REL: variants seen among roughly 807,000 people sequenced by gnomAD.
REL encodes REL proto-oncogene, NF-kB subunit.
Under a neutral mutation model 45.9 loss-of-function variants are expected in REL, and 15 were observed. The ratio of observed to expected loss-of-function variants is 0.33; its 90% CI spans 0.22 to 0.50. The LOEUF is 0.50. Ranked by LOEUF, REL falls within the 20% of genes least tolerant of loss-of-function variation. The probability of loss-of-function intolerance (pLI) is 0.98; values close to 1 mark genes in which losing one functional copy is unlikely to be tolerated. For missense variants in REL, 601 were observed against 715.2 expected, an observed-to-expected ratio of 0.84 and a Z score of 1.82; for synonymous variants, 239 against 242.1, an observed-to-expected ratio of 0.99 and a Z score of 0.12.
intron 1 of REL, among the ~76,000 whole-genome samples, chr2:60,882,914 A>G (rs760307267): frequency 6.6e-6 from 1 of 152,222 alleles, no homozygotes; most frequent in Non-Finnish European, 1.5e-5. Context: ...ATAAGTTTGT[A>G]AGAAACATTG....
intron 1 of REL, among the ~76,000 whole-genome samples, chr2:60,891,336 T>C (rs1448247656): frequency 6.6e-6 from 1 of 152,178 alleles, no homozygotes; most frequent in Non-Finnish European, 1.5e-5. Context: ...TGGGGAATCT[T>C]GGGGGAAACC....
intron 3 of REL, among the ~76,000 whole-genome samples, chr2:60,897,997 AG>A (rs1357927632): frequency 6.6e-6 from 1 of 152,118 alleles, no homozygotes; most frequent in African/African-American, 2.4e-5. Flanking sequence ...AAAGACCTAT[AG>A]GTGTCATCTC....
intron 3 of REL, chr2:60,899,065 A>C (rs535676607): frequency 6.6e-6 from 1 of 152,364 alleles, no homozygotes; most frequent in African/African-American, 2.4e-5. Context: ...TAAATGTATT[A>C]ATATGAAGAA....
chr2:60,895,214 C>T (rs1057464062), intron 3 of REL, among the ~76,000 whole-genome samples: 2 of 151,788 alleles, frequency 1.3e-5, no homozygotes, highest in African/African-American at 4.8e-5. Flanking sequence ...GACAAGGTCT[C>T]GCTCTGTTAC....
At chr2:60,921,511 A>C (rs2103988001) in intron 9 of REL, among the ~76,000 whole-genome samples, 1 of 152,260 alleles carries the variant, frequency 6.6e-6, no homozygotes, top group Admixed American at 6.5e-5. Context: ...TTGAAGTGAA[A>C]TTACATATGC....
intron 4 of REL, among the ~76,000 whole-genome samples, chr2:60,913,513 T>G (rs1673876578): frequency 6.6e-6 from 1 of 152,190 alleles, no homozygotes; most frequent in African/African-American, 2.4e-5. Flanking sequence ...CAGTTCACCC[T>G]TACTCCTAGG....
intron 2 of REL, among the ~76,000 whole-genome samples, chr2:60,893,646 C>G (rs1015680439): frequency 1.3e-5 from 2 of 152,162 alleles, no homozygotes; most frequent in Non-Finnish European, 2.9e-5. Context: ...TGGTTACTTT[C>G]AAATTCTATT....
At position 60,930,262 on chromosome 2, in the gene REL, C is replaced by T. The variant is rs1674357029; in HGVS notation, c.*7727C>T. The T allele has an allele frequency of 6.6e-6, 1 of 152,226 alleles. No homozygotes were observed. 9.4% of individuals were successfully genotyped at this position (152,226 alleles called of 1,614,324 possible). ...AACCAATATCTGTATATCCTATGTC[C>T]CGGATTAATCTTTAATTTAGATACT... On this transcript the variant is annotated 3_prime_UTR_variant, in exon 10 of 10. Coordinates refer to ENST00000394479, the MANE Select transcript of REL (RefSeq NM_001291746.2).
At chr2:60,888,301 C>G (rs1673119960) in intron 1 of REL, among the ~76,000 whole-genome samples, 3 of 152,088 alleles carry the variant, frequency 2.0e-5, no homozygotes, top group African/African-American at 7.2e-5. Flanking sequence ...AAGTTAAACA[C>G]TTATCATTAA....
chr2:60,891,685 G>A lies in REL; in HGVS notation c.13G>A (p.Ala5Thr), dbSNP rs1262001260. 1.2e-6 allele frequency: 2 copies of A among 1,604,980 alleles called. No homozygotes were observed. The highest frequency in any genetic ancestry group is 1.7e-6 in the Non-Finnish European group (2 of 1,175,642). Residue 5 changes from alanine (A) to threonine (T), a missense_variant and splice_region_variant, in exon 2 of 10, where the codon GCG becomes ACG. By Grantham distance (58) the Ala-to-Thr change is moderately conservative (BLOSUM62 0). Transcript: ENST00000394479. The stretch of plus-strand genomic sequence containing the variant: ...CCTCCTTTTTAAAAACTTTTCAGGT[G>A]CGTATAACCCGTATATAGAGATAAT... MASG[A>T]YNPYIEIIEQ...
chr2:60,896,239 C>T (rs1673344555), intron 3 of REL, among the ~76,000 whole-genome samples: 1 of 152,042 alleles, frequency 6.6e-6, no homozygotes, highest in African/African-American at 2.4e-5. Flanking sequence ...GAATTCCTGA[C>T]CTCAGGTGAT....
In REL at chr2:60,922,079, C is replaced by T. The variant is rs1674158046; in HGVS notation, c.1308C>T (p.Asp436=). Reference sequence around the variant, plus strand: ...CTTGCATTTACAACAATGCCGATGACATAGTCGGAATGGAAGCGTCATCCA... The same window carrying T: ...CTTGCATTTACAACAATGCCGATGATATAGTCGGAATGGAAGCGTCATCCA... ...SNACIYNNAD[D]IVGMEASSMP... Residue 436 remains aspartate (D), a synonymous_variant, in exon 10 of 10, where the codon GAC becomes GAT. Coordinates refer to ENST00000394479, the MANE Select transcript of REL (RefSeq NM_001291746.2). 1.2e-6 allele frequency: 2 copies of T among 1,614,158 alleles called. No homozygotes were observed. Among genetic ancestry groups the T allele is most frequent in the African/African-American group, 2.7e-5 (2 of 75,040 alleles).
Position 60,917,051 on chromosome 2 carries a change from A to C in REL, c.535+34A>C. On this transcript the variant is annotated intron_variant, in intron 5 of 9. Transcript: ENST00000394479. ...TTCATTTTCTTATATTTGTAGTCTT[A>C]ACTTGTTTTTTGTAATAGTTTAATT... The C allele has an allele frequency of 1.3e-6, 2 of 1,563,182 alleles. 1 individual carries two copies. Among genetic ancestry groups the C allele is most frequent in the South Asian group, 2.3e-5 (2 of 85,752 alleles).
At chr2:60,902,344 G>C (rs951286959) in intron 4 of REL, among the ~76,000 whole-genome samples, 3 of 151,952 alleles carry the variant, frequency 2.0e-5, no homozygotes, top group African/African-American at 7.3e-5. Context: ...TTCCCTTCCA[G>C]TCTTACCAGG....
At position 60,930,218 on chromosome 2, in the gene REL, G is replaced by A. The variant is rs1259802537; in HGVS notation, c.*7683G>A. Reference sequence around the variant, plus strand: ...AGAAACACTGTAAATTATATAGTGCGAATCAAATATTGTTAATAAACCAAT... The same window carrying A: ...AGAAACACTGTAAATTATATAGTGCAAATCAAATATTGTTAATAAACCAAT... On this transcript the variant is annotated 3_prime_UTR_variant, in exon 10 of 10. Coordinates refer to ENST00000394479, the MANE Select transcript of REL (RefSeq NM_001291746.2). 1 of 152,186 alleles carries A rather than the reference G, an allele frequency of 6.6e-6. No homozygotes were observed. Among genetic ancestry groups the A allele is most frequent in the African/African-American group, 2.4e-5 (1 of 41,420 alleles). The allele number at this position is 152,186 out of a possible 1,614,324, so 9.4% of individuals were successfully genotyped here. A position where few individuals can be genotyped will look rare whatever the true frequency, so the allele number is the denominator to read the frequency against.
intron 1 of REL, among the ~76,000 whole-genome samples, chr2:60,884,497 T>C (rs184020499): frequency 1.4e-3 from 211 of 152,186 alleles, no homozygotes; most frequent in African/African-American, 4.9e-3. Context: ...ATAATAGATA[T>C]AGTGAAGAAA....
At chr2:60,882,504 G>GT (rs1266135975) in intron 1 of REL, among the ~76,000 whole-genome samples, 1 of 151,938 alleles carries the variant, frequency 6.6e-6, no homozygotes, top group Non-Finnish European at 1.5e-5. Context: ...GTGAAACCCC[G>GT]TCTCTACTAA....
rs184939650 is a variant in REL at position 60,894,458 on chromosome 2, A to G, written c.215A>G (p.Tyr72Cys). ...RITLVTKNDP[Y>C]KPHPHDLVGK... ...ACATTAGTAACAAAGAATGACCCAT[A>G]TAAACCTCATCCTCATGATTTAGTT... The change falls in exon 3 of 10, where the codon TAT (tyrosine) becomes TGT (cysteine). Residue 72 changes from tyrosine to cysteine, a missense_variant. Coordinates refer to ENST00000394479, the MANE Select transcript of REL (RefSeq NM_001291746.2). 9 of 1,606,370 alleles carry G rather than the reference A, an allele frequency of 5.6e-6. No individual in the cohort carries two copies. The highest frequency in any genetic ancestry group is 5.1e-5 in the Admixed American group (3 of 59,302).
At position 60,918,284 on chromosome 2, in the gene REL, A is replaced by G; in HGVS notation, c.629A>G (p.Lys210Arg). 6.3e-7 allele frequency: 1 copy of G among 1,590,854 alleles called. No homozygotes were observed. Among genetic ancestry groups the G allele is most frequent in the Non-Finnish European group, 8.6e-7 (1 of 1,162,172 alleles). Residue 210 changes from lysine (K) to arginine (R), a missense_variant, in exon 6 of 10, where the codon AAA (lysine) becomes AGA (arginine). By Grantham distance (26) the Lys-to-Arg change is conservative. Coordinates refer to ENST00000394479, the MANE Select transcript of REL (RefSeq NM_001291746.2). ...GGDEIFLLCD[K>R]VQKDDIEVRF... Reference sequence around the variant, plus strand: ...GATGAAATATTTCTACTTTGTGACAAAGTTCAGAAAGGTATTTATTTATTT... The same window carrying G: ...GATGAAATATTTCTACTTTGTGACAGAGTTCAGAAAGGTATTTATTTATTT...
Sources: gnomAD v4.1 joint callset for allele counts (sites outside exome capture counted in the v4.1 genomes callset) on GRCh38, gnomAD v4.1.1 for gene constraint, MANE v1.5 for transcripts, NCBI Gene and HGNC (gene_info 2026-07-23, HGNC 2026-07-21) for gene names.